Variants in ZNF804B observed in about 807,000 individuals in gnomAD.
ZNF804B encodes zinc finger 804B.
ZNF804B carries 80 observed loss-of-function variants against 101.4 expected under a neutral mutation model. That is an observed-to-expected ratio of 0.79 (90% CI 0.66 to 0.95). The LOEUF (loss-of-function observed/expected upper bound fraction) is 0.95. Ranked by LOEUF, ZNF804B falls within the 40% of genes least tolerant of loss-of-function variation. The probability of loss-of-function intolerance (pLI) is 0.00; values close to 1 mark genes in which losing one functional copy is unlikely to be tolerated. For synonymous variants in ZNF804B, 622 were observed against 558.8 expected, an observed-to-expected ratio of 1.11 and a Z score of -1.59; for missense variants, 1,673 against 1,561.9, an observed-to-expected ratio of 1.07 and a Z score of -1.20.
At chr7:89,058,104 G>T (rs1321259665) in intron 1 of ZNF804B, among the ~76,000 whole-genome samples, 1 of 152,032 alleles carries the variant, frequency 6.6e-6, no homozygotes, top group Non-Finnish European at 1.5e-5. Context: ...CATTAACTTT[G>T]ATTACACTCC....
intron 2 of ZNF804B, among the ~76,000 whole-genome samples, chr7:89,292,129 T>G (rs904693211): frequency 1.1e-4 from 17 of 151,288 alleles, no homozygotes; most frequent in African/African-American, 4.1e-4. Context: ...CATACCTGTC[T>G]GTCCTACAAG....
At chr7:88,949,882 C>T (rs191047718) in intron 1 of ZNF804B, among the ~76,000 whole-genome samples, 1 of 151,984 alleles carries the variant, frequency 6.6e-6, no homozygotes, top group African/African-American at 2.4e-5. Flanking sequence ...GAGCGGTAGG[C>T]TATATCATGT....
chr7:89,067,472 G>A (rs1026735128), intron 1 of ZNF804B, among the ~76,000 whole-genome samples: 5 of 152,098 alleles, frequency 3.3e-5, no homozygotes, highest in Non-Finnish European at 5.9e-5. Context: ...TGAGTCACTG[G>A]CAGAGGTGTA....
At chr7:88,795,014 C>A in intron 1 of ZNF804B, 1 of 1,301,636 alleles carries the variant, frequency 7.7e-7, no homozygotes, top group Non-Finnish European at 1.0e-6. Flanking sequence ...GCCAGGGTAC[C>A]TCTTTACTGA....
At chr7:88,972,453 G>T in intron 1 of ZNF804B, among the ~76,000 whole-genome samples, 1 of 151,380 alleles carries the variant, frequency 6.6e-6, no homozygotes. Context: ...ATTTTATTCA[G>T]TCTTTTTCCC....
chr7:89,336,672 C>T lies in ZNF804B; in HGVS notation c.3690C>T (p.Leu1230=). The T allele has an allele frequency of 6.2e-7, 1 of 1,614,122 alleles. No individual in the cohort carries two copies. Among genetic ancestry groups the T allele is most frequent in the South Asian group, 1.1e-5 (1 of 91,084 alleles). Residue 1230 remains leucine (L), a synonymous_variant, in exon 4 of 4, where the codon CTC becomes CTT. Transcript: ENST00000333190. ...CCTTAAGTTCTCATAGCAGTCACCT[C>T]CCTATTGCTCATCTACATCCTCTTT... The part of the protein sequence containing the change: ...SASLSSHSSH[L]PIAHLHPLSQ...
chr7:88,816,116 A>T (rs1211782619), intron 1 of ZNF804B, among the ~76,000 whole-genome samples: 1 of 151,590 alleles, frequency 6.6e-6, no homozygotes, highest in South Asian at 2.1e-4. Context: ...TTCCTCTTGC[A>T]TGAATGTCCT....
chr7:89,196,994 A>G (rs1164666158), intron 1 of ZNF804B, among the ~76,000 whole-genome samples: 6 of 152,198 alleles, frequency 3.9e-5, no homozygotes, highest in East Asian at 3.9e-4. Context: ...TTGCAGAGAA[A>G]TAGGAATGCT....
intron 1 of ZNF804B, among the ~76,000 whole-genome samples, chr7:89,199,121 T>G (rs572562990): frequency 4.0e-4 from 61 of 152,000 alleles, no homozygotes; most frequent in African/African-American, 1.4e-3. Context: ...GTTATCCATA[T>G]AGTGTATCAC....
intron 2 of ZNF804B, among the ~76,000 whole-genome samples, chr7:89,237,429 T>C (rs1382194127): frequency 6.6e-6 from 1 of 152,194 alleles, no homozygotes; most frequent in East Asian, 1.9e-4. Flanking sequence ...CTGAGGCTCA[T>C]AGATCTGTCC....
At chr7:89,136,830 G>A (rs1584008238) in intron 1 of ZNF804B, among the ~76,000 whole-genome samples, 1 of 151,958 alleles carries the variant, frequency 6.6e-6, no homozygotes, top group Non-Finnish European at 1.5e-5. Context: ...CCCACAAGTT[G>A]TAGGAGGCAC....
chr7:89,191,539 A>G (rs1347768080), intron 1 of ZNF804B, among the ~76,000 whole-genome samples: 2 of 152,158 alleles, frequency 1.3e-5, no homozygotes, highest in African/African-American at 4.8e-5. Flanking sequence ...TGAATAACTC[A>G]TCAACTTTTA....
intron 1 of ZNF804B, among the ~76,000 whole-genome samples, chr7:88,972,180 A>G (rs1282214080): frequency 6.6e-6 from 1 of 151,408 alleles, no homozygotes; most frequent in Non-Finnish European, 1.5e-5. Context: ...TGAATTGTGT[A>G]TTTTTTCTCC....
chr7:89,011,005 CAG>C (rs1261565177), intron 1 of ZNF804B, among the ~76,000 whole-genome samples: 6 of 152,202 alleles, frequency 3.9e-5, no homozygotes, highest in African/African-American at 1.4e-4. Flanking sequence ...GAAGAAATAC[CAG>C]AGACTGGGTA....
intron 1 of ZNF804B, among the ~76,000 whole-genome samples, chr7:89,207,871 T>C (rs1362473303): frequency 2.0e-5 from 3 of 152,174 alleles, no homozygotes; most frequent in Non-Finnish European, 2.9e-5. Context: ...ATTTAATTGC[T>C]TCAAGCGTTT....
intron 2 of ZNF804B, among the ~76,000 whole-genome samples, chr7:89,314,006 C>A (rs1790682933): frequency 6.6e-6 from 1 of 152,116 alleles, no homozygotes; most frequent in African/African-American, 2.4e-5. Context: ...ACCTCTATTT[C>A]CCTATTTCCC....
intron 2 of ZNF804B, among the ~76,000 whole-genome samples, chr7:89,302,630 C>G (rs935969201): frequency 6.6e-6 from 1 of 151,888 alleles, no homozygotes; most frequent in Non-Finnish European, 1.5e-5. Context: ...CTTCCTTGTT[C>G]CTGGTGTCAG....
chr7:88,897,906 T>C (rs1792313955), intron 1 of ZNF804B, among the ~76,000 whole-genome samples: 1 of 151,088 alleles, frequency 6.6e-6, no homozygotes, highest in African/African-American at 2.4e-5. Flanking sequence ...ATAAAATGAA[T>C]AACAGTACTT....
chr7:89,050,062 AAGAAAT>A (rs1254016467), intron 1 of ZNF804B, among the ~76,000 whole-genome samples: 6 of 152,152 alleles, frequency 3.9e-5, no homozygotes, highest in African/African-American at 1.4e-4. Context: ...TAGATGGAAA[AAGAAAT>A]AGTTTTTTTC....
Sources: allele counts gnomAD v4.1 joint callset (sites outside exome capture counted in the v4.1 genomes callset), GRCh38; gene constraint gnomAD v4.1.1; transcripts MANE v1.5; gene names NCBI Gene and HGNC (gene_info 2026-07-23, HGNC 2026-07-21).